Variants in DCC observed in about 807,000 individuals in gnomAD.
DCC encodes DCC netrin 1 receptor.
Under a neutral mutation model 172.5 loss-of-function variants are expected in DCC, and 58 were observed. The ratio of observed to expected loss-of-function variants is 0.34; its 90% confidence interval spans 0.27 to 0.42. The LOEUF (loss-of-function observed/expected upper bound fraction) is 0.42, where lower values mean the gene tolerates loss of function less well. DCC is among the 10% of genes least tolerant of loss of function. DCC has a pLI of 1.00. For synonymous variants in DCC, 709 were observed against 644.5 expected, an observed-to-expected ratio of 1.10 and a Z score of -1.52; for missense variants, 1,740 against 1,791.0, an observed-to-expected ratio of 0.97 and a Z score of 0.51.
intron 7 of DCC, among the ~76,000 whole-genome samples, chr18:53,107,500 T>A (rs1018612920): frequency 7.1e-6 from 1 of 141,304 alleles, no homozygotes; most frequent in African/African-American, 2.7e-5. Flanking sequence ...ACGTTTATAA[T>A]CTTTACTTCA....
intron 1 of DCC, among the ~76,000 whole-genome samples, chr18:52,425,012 C>A (rs1379676002): frequency 6.6e-6 from 1 of 151,896 alleles, no homozygotes. Context: ...CAAATCAGGG[C>A]TTTAGGGTAT....
chr18:53,329,294 A>AAAAC (rs138683233), intron 14 of DCC, among the ~76,000 whole-genome samples: 25,410 of 151,850 alleles, frequency 0.17, 2,673 homozygotes, highest in African/African-American at 0.29. Flanking sequence ...TTTGGCAAGA[A>AAAAC]AAACTTTAAA....
intron 28 of DCC, chr18:53,527,054 TAATA>T (rs549406367): frequency 1.8e-4 from 74 of 407,724 alleles, no homozygotes; most frequent in African/African-American, 8.6e-4. Context: ...TATATGTACA[TAATA>T]TATACATATA....
At chr18:52,986,054 T>C (rs1296491228) in intron 5 of DCC, among the ~76,000 whole-genome samples, 2 of 152,170 alleles carry the variant, frequency 1.3e-5, no homozygotes, top group Non-Finnish European at 2.9e-5. Context: ...TGATAGTTCA[T>C]TCATATGTAT....
At chr18:52,788,122 T>G (rs1393299546) in intron 2 of DCC, among the ~76,000 whole-genome samples, 1 of 152,210 alleles carries the variant, frequency 6.6e-6, no homozygotes, top group African/African-American at 2.4e-5. Flanking sequence ...TTTTGCAAGA[T>G]TAATTTTTAC....
chr18:52,876,211 G>C (rs1042017173), intron 2 of DCC, among the ~76,000 whole-genome samples: 5 of 152,022 alleles, frequency 3.3e-5, no homozygotes, highest in Non-Finnish European at 7.4e-5. Context: ...ATCCAAAGTT[G>C]GTGGCCACTT....
Position 53,450,418 on chromosome 18 carries a change from A to G in DCC, c.3230-82A>G, listed in dbSNP as rs895407312. On this transcript the variant is annotated intron_variant, in intron 22 of 28. Transcript: ENST00000442544. ...TTCAGAAAAGCCCAGAACATTAGGA[A>G]CTTTGTATATCCCAAGAGAGCTTGG... 4.0e-6 allele frequency: 6 copies of G among 1,508,596 alleles called. No individual in the cohort carries two copies. The African/African-American group carries it at 6.9e-5, about 17-fold the overall frequency. 93.5% of individuals were successfully genotyped at this position (1,508,596 alleles called of 1,614,324 possible). A position where few individuals can be genotyped will look rare whatever the true frequency, so the allele number is the denominator to read the frequency against.
At chr18:53,337,353 C>G (rs1314097492) in intron 14 of DCC, among the ~76,000 whole-genome samples, 1 of 152,162 alleles carries the variant, frequency 6.6e-6, no homozygotes, top group Non-Finnish European at 1.5e-5. Flanking sequence ...TTAGTGCAAA[C>G]ACTTCAAATA....
At chr18:52,369,016 A>G (rs1984998413) in intron 1 of DCC, among the ~76,000 whole-genome samples, 1 of 152,214 alleles carries the variant, frequency 6.6e-6, no homozygotes, top group African/African-American at 2.4e-5. Flanking sequence ...TACCTGTTAT[A>G]GTATCGGAGA....
chr18:52,994,321 A>C (rs1490382202), intron 5 of DCC, among the ~76,000 whole-genome samples: 3 of 151,964 alleles, frequency 2.0e-5, no homozygotes, highest in African/African-American at 7.3e-5. Flanking sequence ...GAATGTGAGG[A>C]AAGTTGGGGG....
chr18:53,379,164 C>T (rs981869609), intron 15 of DCC, among the ~76,000 whole-genome samples: 3 of 152,296 alleles, frequency 2.0e-5, no homozygotes, highest in Non-Finnish European at 4.4e-5. Flanking sequence ...ATGTGGAAGC[C>T]CTGGTTCATT....
intron 12 of DCC, among the ~76,000 whole-genome samples, chr18:53,301,603 C>G (rs12962371): frequency 6.6e-6 from 1 of 152,116 alleles, no homozygotes; most frequent in African/African-American, 2.4e-5. Context: ...CCTCCATTCC[C>G]TAAAGACTGC....
chr18:52,939,730 T>C (rs2040432307), intron 5 of DCC, among the ~76,000 whole-genome samples: 1 of 152,116 alleles, frequency 6.6e-6, no homozygotes, highest in Non-Finnish European at 1.5e-5. Context: ...TTATCATCAT[T>C]TTCATCATCA....
At position 52,541,875 on chromosome 18, in the gene DCC, G is replaced by GTATATATATATATATATATATATA. The variant is rs765428849; in HGVS notation, c.91+201018_91+201019insATATATATATATATATATATATAT. Among the ~76,000 whole-genome samples, 134 of 115,112 alleles carry GTATATATATATATATATATATATA rather than the reference G, an allele frequency of 1.2e-3. 1 individual carries two copies. Among genetic ancestry groups the GTATATATATATATATATATATATA allele is most frequent in the Middle Eastern group, 4.8e-3 (1 of 208 alleles). 75.5% of individuals were successfully genotyped at this position (115,112 alleles called of 152,430 possible). ...TTAAAAGTATATGATGTGTGTGTGT[G>GTATATATATATATATATATATATA]TATATATATATATATATATATGTGT... On this transcript the variant is annotated intron_variant, in intron 1 of 28. Coordinates refer to ENST00000442544, the MANE Select transcript of DCC (RefSeq NM_005215.4).
At chr18:52,628,997 G>A (rs560555586) in intron 1 of DCC, among the ~76,000 whole-genome samples, 299 of 152,282 alleles carry the variant, frequency 2.0e-3, no homozygotes, top group Middle Eastern at 6.8e-3. Flanking sequence ...TTTTCTTAGC[G>A]GTGCATGGCT....
chr18:53,238,382 T>C, intron 12 of DCC, among the ~76,000 whole-genome samples: 1 of 152,184 alleles, frequency 6.6e-6, no homozygotes, highest in East Asian at 1.9e-4. Context: ...ATGTTCACAA[T>C]GAGACATTAA....
chr18:52,923,232 G>A (rs532676173), intron 3 of DCC, among the ~76,000 whole-genome samples: 1 of 152,182 alleles, frequency 6.6e-6, no homozygotes, highest in South Asian at 2.1e-4. Flanking sequence ...CTACTCTTCA[G>A]TACCTGTACG....
chr18:53,427,880 A>G (rs1476537791), intron 21 of DCC, among the ~76,000 whole-genome samples: 1 of 69,256 alleles, frequency 1.4e-5, no homozygotes, highest in African/African-American at 4.4e-5. Flanking sequence ...AAATATATAC[A>G]TATATAATAT....
At chr18:52,955,869 G>T (rs2040734304) in intron 5 of DCC, among the ~76,000 whole-genome samples, 1 of 152,020 alleles carries the variant, frequency 6.6e-6, no homozygotes, top group South Asian at 2.1e-4. Context: ...CTTCTGTGAT[G>T]AGGTGACTGT....
Sources: allele counts gnomAD v4.1 joint callset (sites outside exome capture counted in the v4.1 genomes callset), GRCh38; gene constraint gnomAD v4.1.1; transcripts MANE v1.5; gene names NCBI Gene and HGNC (gene_info 2026-07-23, HGNC 2026-07-21).